PCDHA8: variants seen among roughly 807,000 people sequenced by gnomAD.
PCDHA8 encodes protocadherin alpha 8.
Under a neutral mutation model 61.8 loss-of-function variants are expected in PCDHA8, and 53 were observed. The ratio of observed to expected loss-of-function variants is 0.86; its 90% CI spans 0.69 to 1.08. The LOEUF is 1.08. PCDHA8 is among the 50% of genes least tolerant of loss of function. The pLI is 0.00. For missense variants in PCDHA8, 1,293 were observed against 1,245.0 expected (o/e 1.04, Z -0.58); for synonymous variants, 618 against 556.6 (o/e 1.11, Z -1.55).
At chr5:140,941,191 T>TTTTCTTTCTTTCTTTC (rs1217097209) in intron 1 of PCDHA8, among the ~76,000 whole-genome samples, 1 of 93,206 alleles carries the variant, frequency 1.1e-5, no homozygotes, top group Admixed American at 1.2e-4. Flanking sequence ...GCTTCTTTTT[T>TTTTCTTTCTTTCTTTC]TTTCTTTCTT....
rs2150437500 is a variant in PCDHA8, at chr5:140,849,439, C to A, written c.2394+5724C>A. ...CATATGGATTTTGAAGAAAGTAGAG[C>A]ACACAAGATCCCAGTCGAGGCTGTC... On this transcript the variant is annotated intron_variant, in intron 1 of 3. Transcript: ENST00000531613. 1.5e-5 allele frequency: 23 copies of A among 1,582,476 alleles called. 2 individuals carry two copies. In the African/African-American group the frequency reaches 2.8e-4, roughly 19 times the overall value.
rs2150328197 is a variant in PCDHA8 at position 140,842,051 on chromosome 5, C to T, written c.730C>T (p.Gln244Ter). ...DVNDNAPTFE[Q>*]SEYEVRIFEN... ...GAATGATAATGCTCCCACTTTCGAA[C>T]AGTCTGAATACGAAGTAAGAATATT... Residue 244 changes from glutamine (Q) to a stop codon, truncating the protein, a stop_gained, in exon 1 of 4, where the codon CAG becomes TAG. Coordinates refer to ENST00000531613, the MANE Select transcript of PCDHA8 (RefSeq NM_018911.3). LOFTEE classifies it high-confidence loss of function. 1.9e-6 allele frequency: 3 copies of T among 1,613,736 alleles called. No homozygotes were observed. Among genetic ancestry groups the T allele is most frequent in the Non-Finnish European group, 2.5e-6 (3 of 1,179,870 alleles).
Position 140,883,339 on chromosome 5 carries a change from C to A in PCDHA8, c.2394+39624C>A, listed in dbSNP as rs142984869. 95 of 1,614,172 alleles carry A rather than the reference C, an allele frequency of 5.9e-5. No individual in the cohort carries two copies. The African/African-American group carries it at 1.1e-3, about 19-fold the overall frequency. ...AGGTTACCATCACTTCTTTGTCACTCCCCATCAGAGAAGACACTCAGCCTA... is the reference window on the plus strand; with the variant it reads ...AGGTTACCATCACTTCTTTGTCACTACCCATCAGAGAAGACACTCAGCCTA... On this transcript the variant is annotated intron_variant, in intron 1 of 3. Coordinates refer to ENST00000531613, the MANE Select transcript of PCDHA8 (RefSeq NM_018911.3).
At chr5:140,982,845 C>A (rs1436674965) in intron 3 of PCDHA8, among the ~76,000 whole-genome samples, 1 of 151,978 alleles carries the variant, frequency 6.6e-6, no homozygotes, top group Non-Finnish European at 1.5e-5. Flanking sequence ...TTGTTTAAAT[C>A]AGGTACCTTT....
At chr5:140,967,351 G>C in intron 1 of PCDHA8, 1 of 1,608,106 alleles carries the variant, frequency 6.2e-7, no homozygotes, top group South Asian at 1.1e-5. Context: ...ACTTCGAGCT[G>C]GACCTTAAGC....
At chr5:140,987,314 G>A (rs1554249065) in intron 3 of PCDHA8, among the ~76,000 whole-genome samples, 1 of 152,126 alleles carries the variant, frequency 6.6e-6, no homozygotes, top group Non-Finnish European at 1.5e-5. Flanking sequence ...CCAATGTACT[G>A]TGAAGTTTTA....
intron 3 of PCDHA8, among the ~76,000 whole-genome samples, chr5:140,991,146 G>A (rs2097434554): frequency 6.6e-6 from 1 of 151,978 alleles, no homozygotes; most frequent in African/African-American, 2.4e-5. Context: ...AATGTTTTTT[G>A]CTCACCATTG....
chr5:140,993,460 T>TCACACACA (rs1554253699), intron 3 of PCDHA8, among the ~76,000 whole-genome samples: 14 of 104,506 alleles, frequency 1.3e-4, no homozygotes, highest in African/African-American at 2.4e-4. Flanking sequence ...CTTCTTTCTT[T>TCACACACA]CTCACACACA....
chr5:140,902,767 G>A (rs1038910114), intron 1 of PCDHA8, among the ~76,000 whole-genome samples: 2 of 145,672 alleles, frequency 1.4e-5, no homozygotes, highest in African/African-American at 5.0e-5. Flanking sequence ...TTATGTCTTT[G>A]CATTCTCATA....
At position 140,953,880 on chromosome 5, in the gene PCDHA8, C is replaced by T. The variant is rs56350351; in HGVS notation, c.2395-25069C>T. On this transcript the variant is annotated intron_variant, in intron 1 of 3. Coordinates refer to ENST00000531613, the MANE Select transcript of PCDHA8 (RefSeq NM_018911.3). ...TGGTGGTTTGCTGCACAGATCAACCCATCACCTAGGTATTAAGCCCAGCAT... is the reference window on the plus strand; with the variant it reads ...TGGTGGTTTGCTGCACAGATCAACCTATCACCTAGGTATTAAGCCCAGCAT... Among the ~76,000 whole-genome samples, 609 of 152,246 alleles carry T rather than the reference C, an allele frequency of 4.0e-3. 7 individuals are homozygous for T. Among genetic ancestry groups the T allele is most frequent in the African/African-American group, 0.014 (577 of 41,548 alleles).
In PCDHA8 at chr5:141,010,032, T is replaced by C. The variant is rs529237892; in HGVS notation, c.*95T>C. 6.3e-7 allele frequency: 1 copy of C among 1,582,368 alleles called. No individual in the cohort carries two copies. Among genetic ancestry groups the C allele is most frequent in the African/African-American group, 1.4e-5 (1 of 73,468 alleles). On this transcript the variant is annotated 3_prime_UTR_variant, in exon 4 of 4. Transcript: ENST00000531613. ...TCCCTGCTCCTTTTTCCTATCTACA[T>C]GAGCCCTCTTAGAGACCTCAGAAAT...
chr5:140,875,910 G>A, intron 1 of PCDHA8: 1 of 1,614,172 alleles, frequency 6.2e-7, no homozygotes, highest in South Asian at 1.1e-5. Context: ...CTGAATCTGC[G>A]CCTCTGGACT....
intron 1 of PCDHA8, among the ~76,000 whole-genome samples, chr5:140,955,110 T>C (rs915501300): frequency 7.2e-5 from 11 of 152,274 alleles, no homozygotes; most frequent in African/African-American, 2.6e-4. Flanking sequence ...TTCTGAGTTC[T>C]CTATTCTGTT....
intron 1 of PCDHA8, among the ~76,000 whole-genome samples, chr5:140,926,209 T>C (rs553307318): frequency 1.8e-3 from 269 of 152,150 alleles, no homozygotes; most frequent in African/African-American, 6.3e-3. Flanking sequence ...GGGGGGCTCC[T>C]GTTTCCTTAA....
rs2150336971 is a variant in PCDHA8 at position 140,842,473 on chromosome 5, G to A, written c.1152G>A (p.Gln384=). ...VNDLDSGANG[Q]VTCSLMPHVP... ...ACCTCGATTCAGGTGCCAACGGGCAGGTGACCTGCTCCCTGATGCCCCATG... is the reference window on the plus strand; with the variant it reads ...ACCTCGATTCAGGTGCCAACGGGCAAGTGACCTGCTCCCTGATGCCCCATG... Residue 384 remains glutamine, a synonymous_variant, in exon 1 of 4, where the codon CAG becomes CAA. Coordinates refer to ENST00000531613, the MANE Select transcript of PCDHA8 (RefSeq NM_018911.3). 6 of 1,613,820 alleles carry A rather than the reference G, an allele frequency of 3.7e-6. No individual in the cohort carries two copies. The highest frequency in any genetic ancestry group is 3.4e-6 in the Non-Finnish European group (4 of 1,179,866).
chr5:140,913,450 T>G (rs2153526628), intron 1 of PCDHA8, among the ~76,000 whole-genome samples: 1 of 152,270 alleles, frequency 6.6e-6, no homozygotes, highest in Middle Eastern at 3.4e-3. Flanking sequence ...TCAGCTCCGA[T>G]TTTATTTACT....
chr5:140,927,137 A>T, intron 1 of PCDHA8: 1 of 1,614,052 alleles, frequency 6.2e-7, no homozygotes, highest in Non-Finnish European at 8.5e-7. Context: ...GAGCCGGCGG[A>T]CCGCGAACAG....
chr5:140,864,430 A>G (rs2048477187), intron 1 of PCDHA8: 1 of 152,190 alleles, frequency 6.6e-6, no homozygotes, highest in South Asian at 2.1e-4. Flanking sequence ...GTCCACAAAC[A>G]ATTTTGTTTC....
In PCDHA8 at chr5:141,012,060, A is replaced by T. The variant is rs919882671; in HGVS notation, c.*2123A>T. 3.9e-5 allele frequency: 6 copies of T among 153,766 alleles called. No individual in the cohort carries two copies. The highest frequency in any genetic ancestry group is 8.8e-5 in the Non-Finnish European group (6 of 68,040). 9.5% of individuals were successfully genotyped at this position (153,766 alleles called of 1,614,324 possible). ...GCATGGGGTAAAACTTGTTACCAAC[A>T]CATGTGAACCATTGCTACATTGTAG... On this transcript the variant is annotated 3_prime_UTR_variant, in exon 4 of 4. Transcript: ENST00000531613.
Sources: allele counts gnomAD v4.1 joint callset (sites outside exome capture counted in the v4.1 genomes callset), GRCh38; gene constraint gnomAD v4.1.1; transcripts MANE v1.5; gene names NCBI Gene and HGNC (gene_info 2026-07-23, HGNC 2026-07-21).